The following CLCA1 variants were observed in gnomAD, a reference collection of about 807,000 sequenced individuals.
CLCA1 encodes chloride channel accessory 1, also known as calcium-activated chloride channel regulator 1.
A neutral mutation model predicts 85.6 loss-of-function variants in CLCA1; 59 were observed. That is an observed-to-expected ratio of 0.69 (90% CI 0.56 to 0.86). The LOEUF is 0.86. CLCA1 is among the 40% of genes least tolerant of loss of function. The pLI, the probability that CLCA1 is intolerant of heterozygous loss-of-function variation, is 0.00. For synonymous variants in CLCA1, 396 were observed against 398.3 expected (o/e 0.99, Z 0.07); for missense variants, 1,022 against 1,101.4 (o/e 0.93, Z 1.02).
At chr1:86,493,344 G>A (rs1648187357) in intron 9 of CLCA1, 40 bp from the exon 10 acceptor site, 2 of 1,493,730 alleles carry the variant, frequency 1.3e-6, no homozygotes, top group Admixed American at 1.7e-5. Flanking sequence ...TGTGATGGGA[G>A]CTGTATTCTC....
Position 86,482,304 on chromosome 1 carries a change from T to A in CLCA1, c.657T>A (p.Tyr219Ter). 1 of 1,614,080 alleles carries A rather than the reference T, an allele frequency of 6.2e-7. No homozygotes were observed. Residue 219 changes from tyrosine to a stop codon, truncating the protein, a stop_gained, in exon 5 of 14, where the codon TAT becomes TAA. Coordinates refer to ENST00000394711, the MANE Select transcript of CLCA1 (RefSeq NM_001285.4). LOFTEE classifies it high-confidence loss of function. ...CATTCAATAAAGTAACAGGACTCTA[T>A]GAAAAAGGATGTGAGTTTGTTCTCC... ...RCTFNKVTGLYEKGCEFVLQS... is the reference protein window; with the variant it reads ...RCTFNKVTGL
At chr1:86,478,931 G>A (rs925393276) in intron 4 of CLCA1, among the ~76,000 whole-genome samples, 1 of 152,192 alleles carries the variant, frequency 6.6e-6, no homozygotes, top group Non-Finnish European at 1.5e-5. Context: ...CAGAACATCT[G>A]TTCAAAGCTA....
In CLCA1 at chr1:86,499,892, G is replaced by C; in HGVS notation, c.2592G>C (p.Leu864Phe). 1 of 1,614,082 alleles carries C rather than the reference G, an allele frequency of 6.2e-7. No homozygotes were observed. The highest frequency in any genetic ancestry group is 8.5e-7 in the Non-Finnish European group (1 of 1,179,966). ...TATCCAACATTGCACGAGTATCTTT[G>C]TTTATTCCTCCACAGACTCCGCCAG... ...SEISNIARVS[L>F]FIPPQTPPET... Residue 864 changes from leucine to phenylalanine, a missense_variant, in exon 14 of 14, where the codon TTG (leucine) becomes TTC (phenylalanine). Transcript: ENST00000394711.
intron 5 of CLCA1, among the ~76,000 whole-genome samples, chr1:86,484,939 G>T (rs1647923181): frequency 6.6e-6 from 1 of 152,128 alleles, no homozygotes; most frequent in South Asian, 2.1e-4. Flanking sequence ...AACATTGGGA[G>T]TTGAAGGTTA....
intron 5 of CLCA1, among the ~76,000 whole-genome samples, chr1:86,483,523 T>TA (rs566795542): frequency 8.7e-5 from 13 of 149,170 alleles, no homozygotes; most frequent in East Asian, 5.9e-4. Context: ...TACTATGCCT[T>TA]AAAAAAAAAA....
At chr1:86,471,832 C>A (rs1300933866) in intron 1 of CLCA1, among the ~76,000 whole-genome samples, 1 of 151,978 alleles carries the variant, frequency 6.6e-6, no homozygotes, top group Non-Finnish European at 1.5e-5. Flanking sequence ...AAAATAAGTT[C>A]TTTAAGTTTA....
chr1:86,498,627 C>T lies in CLCA1; in HGVS notation c.2169C>T (p.His723=). The T allele has an allele frequency of 6.2e-7, 1 of 1,613,902 alleles. No homozygotes were observed. The highest frequency in any genetic ancestry group is 8.5e-7 in the Non-Finnish European group (1 of 1,179,906). The change falls in exon 13 of 14, where the codon CAC becomes CAT. Residue 723 remains histidine, a synonymous_variant. Coordinates refer to ENST00000394711, the MANE Select transcript of CLCA1 (RefSeq NM_001285.4). ...AAATTAATAAGGATGATGTTCAACA[C>T]AAGCAAGTGTGTTTCAGCAGAACAT... ...RPEINKDDVQ[H]KQVCFSRTSS... is the part of the protein sequence containing the mutation.
In CLCA1 at chr1:86,494,382, G is replaced by C; in HGVS notation, c.1876G>C (p.Val626Leu). ...QGASPILRAS[V>L]TALIESVNGK... ...AGCCTCCCCAATTCTCAGGGCCAGT[G>C]TCACAGCCCTGATTGAATCAGTGAA... Residue 626 changes from valine to leucine, a missense_variant, in exon 11 of 14, where the codon GTC becomes CTC. By Grantham distance (32) the Val-to-Leu change is conservative (BLOSUM62 1). Transcript: ENST00000394711. The C allele has an allele frequency of 6.2e-7, 1 of 1,614,018 alleles. No individual in the cohort carries two copies. Among genetic ancestry groups the C allele is most frequent in the Non-Finnish European group, 8.5e-7 (1 of 1,179,828 alleles).
intron 5 of CLCA1, among the ~76,000 whole-genome samples, chr1:86,484,247 T>A (rs2791510): frequency 1.3e-5 from 2 of 152,114 alleles, no homozygotes; most frequent in Non-Finnish European, 2.9e-5. Flanking sequence ...CTACAAGATA[T>A]CGTGAAGCTA....
intron 10 of CLCA1, among the ~76,000 whole-genome samples, chr1:86,493,980 G>A (rs532215863): frequency 3.3e-5 from 5 of 152,064 alleles, no homozygotes; most frequent in Admixed American, 1.3e-4. Context: ...CCCACCCGCC[G>A]TGGAATTTTC....
In CLCA1 at chr1:86,493,473, T is replaced by G; in HGVS notation, c.1554T>G (p.Phe518Leu). The change falls in exon 10 of 14, where the codon TTT becomes TTG. Residue 518 changes from phenylalanine to leucine, a missense_variant. Physicochemically the swap from Phe to Leu is conservative, Grantham distance 22. Coordinates refer to ENST00000394711, the MANE Select transcript of CLCA1 (RefSeq NM_001285.4). ...GCACCGTGGGAAAGGACACTTTGTT[T>G]CTTATCACCTGGACAATGCAGCCTC... ...VDSTVGKDTL[F>L]LITWTMQPPQ... 1 of 1,614,072 alleles carries G rather than the reference T, an allele frequency of 6.2e-7. No individual in the cohort carries two copies. The highest frequency in any genetic ancestry group is 8.5e-7 in the Non-Finnish European group (1 of 1,179,972).
At chr1:86,469,943 C>T (rs187044774) in intron 1 of CLCA1, among the ~76,000 whole-genome samples, 140 of 152,276 alleles carry the variant, frequency 9.2e-4, no homozygotes, top group African/African-American at 3.1e-3. Flanking sequence ...TAAAGGGAAG[C>T]TGGGTGGAGT....
chr1:86,488,508 G>T (rs566931286), intron 7 of CLCA1, among the ~76,000 whole-genome samples: 37 of 152,308 alleles, frequency 2.4e-4, no homozygotes, highest in African/African-American at 8.2e-4. Context: ...GACAACTCAT[G>T]TGACCTAGGT....
intron 7 of CLCA1, among the ~76,000 whole-genome samples, chr1:86,487,691 C>T (rs535727790): frequency 9.9e-5 from 15 of 152,234 alleles, no homozygotes; most frequent in Admixed American, 9.8e-4. Context: ...CTGACTCAGC[C>T]CCACCCTGGC....
chr1:86,469,124 A>G lies in CLCA1; in HGVS notation c.153A>G (p.Gln51=). ...TGCCAGAAGATGAAACACTCATTCA[A>G]CAAATAAAGGTAAGTTCATAGTAAT... ...PNVPEDETLI[Q]QIKDMVTQAS... is the part of the protein sequence containing the mutation. Residue 51 remains glutamine, a synonymous_variant, in exon 1 of 14, where the codon CAA becomes CAG. Transcript: ENST00000394711. 1.2e-6 allele frequency: 2 copies of G among 1,603,698 alleles called. No individual in the cohort carries two copies. Among genetic ancestry groups the G allele is most frequent in the Admixed American group, 1.7e-5 (1 of 58,854 alleles).
At chr1:86,469,750 C>T (rs1273127932) in intron 1 of CLCA1, among the ~76,000 whole-genome samples, 1 of 152,116 alleles carries the variant, frequency 6.6e-6, no homozygotes, top group Non-Finnish European at 1.5e-5. Context: ...AGGTCTTGTA[C>T]AACAACAAAC....
At position 86,486,605 on chromosome 1, in the gene CLCA1, G is replaced by T. The variant is rs919054217; in HGVS notation, c.1034G>T (p.Gly345Val). Residue 345 changes from glycine to valine, a missense_variant, in exon 7 of 14, where the codon GGG (glycine) becomes GTG (valine). Transcript: ENST00000394711. ...LQTVELGSWV[G>V]MVTFDSAAHV... ...ACAGTTGAGCTGGGGTCCTGGGTTG[G>T]GATGGTGACATTTGACAGTGCTGCC... 41 of 1,614,048 alleles carry T rather than the reference G, an allele frequency of 2.5e-5. No individual in the cohort carries two copies. Among genetic ancestry groups the T allele is most frequent in the Non-Finnish European group, 3.1e-5 (36 of 1,180,040 alleles).
chr1:86,482,323 G>C lies in CLCA1; in HGVS notation c.676G>C (p.Val226Leu). 6.2e-7 allele frequency: 1 copy of C among 1,614,166 alleles called. No homozygotes were observed. Among genetic ancestry groups the C allele is most frequent in the Non-Finnish European group, 8.5e-7 (1 of 1,179,992 alleles). The change falls in exon 5 of 14, where the codon GTT becomes CTT. Residue 226 changes from valine to leucine, a missense_variant. Val to Leu is a conservative substitution (Grantham distance 32). Coordinates refer to ENST00000394711, the MANE Select transcript of CLCA1 (RefSeq NM_001285.4). ...TGLYEKGCEF[V>L]LQSRQTEKAS... ...ACTCTATGAAAAAGGATGTGAGTTT[G>C]TTCTCCAATCCCGCCAGACGGAGAA... is the stretch of plus-strand genomic sequence containing the variant.
intron 8 of CLCA1, 133 bp downstream of exon 8, chr1:86,489,303 C>A: frequency 1.3e-6 from 1 of 785,030 alleles, no homozygotes; most frequent in Non-Finnish European, 2.0e-6. Context: ...GCCACCCTTA[C>A]CCCTGAATGA....
Sources: gnomAD v4.1 joint callset for allele counts (sites outside exome capture counted in the v4.1 genomes callset) on GRCh38, gnomAD v4.1.1 for gene constraint, MANE v1.5 for transcripts, NCBI Gene and HGNC (gene_info 2026-07-23, HGNC 2026-07-21) for gene names.